The following CCT5 variants were observed in gnomAD, a reference collection of about 807,000 sequenced individuals.
CCT5 encodes chaperonin containing TCP1 subunit 5, also known as T-complex protein 1 subunit epsilon.
Under a neutral mutation model 55.0 loss-of-function variants are expected in CCT5, and 6 were observed. That is an observed-to-expected ratio of 0.11 (90% CI 0.06 to 0.22). The LOEUF (loss-of-function observed/expected upper bound fraction) is 0.22, where lower values mean the gene tolerates loss of function less well. Among genes scored for constraint, CCT5 ranks in the 10% least tolerant of loss-of-function variants. The probability of loss-of-function intolerance (pLI) is 1.00; values close to 1 mark genes in which losing one functional copy is unlikely to be tolerated. For missense variants in CCT5, 560 were observed against 694.6 expected (o/e 0.81, Z 2.18); for synonymous variants, 231 against 243.7 (o/e 0.95, Z 0.49).
chr5:10,255,112 G>A, intron 3 of CCT5: 1 of 445,860 alleles, frequency 2.2e-6, no homozygotes, highest in South Asian at 2.2e-5. Context: ...AGGATGTTTG[G>A]GAAACGTGGA....
At chr5:10,250,794 C>CCA in intron 1 of CCT5, 1 of 1,165,468 alleles carries the variant, frequency 8.6e-7, no homozygotes, top group Non-Finnish European at 1.1e-6. Context: ...TGGGAGGGCG[C>CCA]CGGGGAGATG....
Position 10,263,157 on chromosome 5 carries a change from C to T in CCT5, c.1341C>T (p.Ala447=), listed in dbSNP as rs764622095. The T allele has an allele frequency of 1.2e-6, 2 of 1,614,212 alleles. No homozygotes were observed. Among genetic ancestry groups the T allele is most frequent in the South Asian group, 1.1e-5 (1 of 91,074 alleles). Residue 447 remains alanine, a synonymous_variant, in exon 10 of 11, where the codon GCC becomes GCT. Coordinates refer to ENST00000280326, the MANE Select transcript of CCT5 (RefSeq NM_012073.5). ...AGTGCCCCACCTTAGAACAGTATGC[C>T]ATGAGAGCGTTTGCCGACGCACTGG... ...ADKCPTLEQY[A]MRAFADALEV...
At chr5:10,249,960 CG>C, upstream of CCT5, 1 of 1,471,506 alleles carries the variant, frequency 6.8e-7, no homozygotes, top group South Asian at 1.2e-5. Flanking sequence ...ACCATCTTCT[CG>C]GAGCCGGAGT....
rs2578639 is a variant in CCT5 at position 10,265,607 on chromosome 5, C to G, written c.*824C>G. The G allele has an allele frequency of 0.72, 109,100 of 151,976 alleles. 42,277 individuals carry two copies. Among genetic ancestry groups the G allele is most frequent in the East Asian group, 0.87 (4,486 of 5,174 alleles). The allele number at this position is 151,976 out of a possible 1,614,324, so 9.4% of individuals were successfully genotyped here. The stretch of plus-strand genomic sequence containing the variant: ...GATGGGCCAAGACGCTCCGAGAACT[C>G]TACCGGGATTGTCTGTTCTGACAAC... On this transcript the variant is annotated 3_prime_UTR_variant, in exon 11 of 11. Transcript: ENST00000280326.
At chr5:10,252,206 G>A (rs1745458443) in intron 1 of CCT5, among the ~76,000 whole-genome samples, 1 of 152,202 alleles carries the variant, frequency 6.6e-6, no homozygotes, top group Admixed American at 6.5e-5. Flanking sequence ...TCCTGTGAGT[G>A]TTGAGGCTCA....
chr5:10,260,953 C>T lies in CCT5; in HGVS notation c.993+42C>T, dbSNP rs12516390. 112,002 of 1,608,182 alleles carry T rather than the reference C, an allele frequency of 0.07. 4,664 individuals are homozygous for T. Among genetic ancestry groups the T allele is most frequent in the South Asian group, 0.14 (12,583 of 90,854 alleles). Reference sequence around the variant, plus strand: ...GAAGAGACTTTGAGAAGTAGGGGTTCATCTTATGTGTTGAGGGGTGTTTTG... The same window carrying T: ...GAAGAGACTTTGAGAAGTAGGGGTTTATCTTATGTGTTGAGGGGTGTTTTG... On this transcript the variant is annotated intron_variant, in intron 7 of 10. Coordinates refer to ENST00000280326, the MANE Select transcript of CCT5 (RefSeq NM_012073.5).
intron 2 of CCT5, 147 bp from the exon 3 acceptor site, chr5:10,254,527 C>G: frequency 1.4e-6 from 1 of 733,892 alleles, no homozygotes; most frequent in Non-Finnish European, 2.4e-6. Flanking sequence ...CTAAAAATGC[C>G]TTCATGCAGC....
chr5:10,260,648 C>CT (rs1470186279), intron 6 of CCT5, 144 bp from the exon 7 acceptor site: 3 of 828,374 alleles, frequency 3.6e-6, no homozygotes, highest in Non-Finnish European at 6.2e-6. Context: ...GGACACTTGT[C>CT]TATTTCCTTC....
intron 1 of CCT5, among the ~76,000 whole-genome samples, chr5:10,253,223 G>T (rs1054981431): frequency 1.4e-4 from 22 of 152,290 alleles, no homozygotes; most frequent in African/African-American, 5.1e-4. Context: ...CCAGCTACTG[G>T]GGGGCTGAGG....
chr5:10,257,069 TA>T (rs1331391406), intron 4 of CCT5, among the ~76,000 whole-genome samples: 2 of 152,244 alleles, frequency 1.3e-5, no homozygotes, highest in African/African-American at 2.4e-5. Flanking sequence ...TACATTATAT[TA>T]AATCAGTGAG....
At chr5:10,262,410 G>C in intron 8 of CCT5, 71 bp from the exon 9 acceptor site, 1 of 1,537,146 alleles carries the variant, frequency 6.5e-7, no homozygotes, top group South Asian at 1.1e-5. Context: ...TCTTTAAAAA[G>C]GTGCCAGATA....
chr5:10,250,929 G>A (rs946952026), intron 1 of CCT5: 42 of 952,650 alleles, frequency 4.4e-5, no homozygotes, highest in Admixed American at 2.9e-4. Context: ...ATTTCTGAGT[G>A]CTTTTTTGCC....
chr5:10,256,610 G>A (rs2028272), intron 4 of CCT5, among the ~76,000 whole-genome samples: 111,729 of 151,268 alleles, frequency 0.74, 43,459 homozygotes, highest in East Asian at 0.87. Context: ...AGAGGCTGAG[G>A]TGAGAGGTCG....
rs1461880421 is a variant in CCT5, at chr5:10,264,984, TC to T, written c.*202del. ...GGTACCATCTCAACTGCTTTTGTAT[TC>T]ATTGTATTAAAAGAATCTGTTTAAA... On this transcript the variant is annotated 3_prime_UTR_variant, in exon 11 of 11. Transcript: ENST00000280326. The T allele has an allele frequency of 6.7e-6, 4 of 593,242 alleles. No homozygotes were observed. Among genetic ancestry groups the T allele is most frequent in the Non-Finnish European group, 1.2e-5 (4 of 341,896 alleles). The allele number at this position is 593,242 out of a possible 1,614,324, so 36.7% of individuals were successfully genotyped here.
At position 10,258,118 on chromosome 5, in the gene CCT5, A is replaced by G; in HGVS notation, c.538A>G (p.Ser180Gly). The change falls in exon 5 of 11, where the codon AGT (serine) becomes GGT (glycine). Residue 180 changes from serine to glycine, a missense_variant. By Grantham distance (56) the Ser-to-Gly change is moderately conservative (BLOSUM62 0). Transcript: ENST00000280326. ...TTGTGGTGTTTTCCTCAGGGTCAAC[A>G]GTTGTCACCGACAGATGGCTGAGAT... ...KTTLGSKVVN[S>G]CHRQMAEIAV... is the part of the protein sequence containing the mutation. 7 of 1,614,234 alleles carry G rather than the reference A, an allele frequency of 4.3e-6. No homozygotes were observed. Among genetic ancestry groups the G allele is most frequent in the Non-Finnish European group, 8.5e-7 (1 of 1,180,036 alleles).
intron 3 of CCT5, among the ~76,000 whole-genome samples, 162 bp from the exon 4 acceptor site, chr5:10,255,793 C>T (rs1030829466): frequency 1.3e-5 from 2 of 152,180 alleles, no homozygotes; most frequent in Non-Finnish European, 2.9e-5. Flanking sequence ...AGAACTAAAA[C>T]GAGGCTTTCT....
At chr5:10,250,564 TCC>T (rs1745331800) in intron 1 of CCT5, 119 bp downstream of exon 1, 1 of 1,519,926 alleles carries the variant, frequency 6.6e-7, no homozygotes, top group East Asian at 2.5e-5. Flanking sequence ...GTCGAGAATC[TCC>T]GTCTCCCTGC....
At chr5:10,252,948 A>G (rs149688491) in intron 1 of CCT5, among the ~76,000 whole-genome samples, 134 of 151,836 alleles carry the variant, frequency 8.8e-4, no homozygotes, top group African/African-American at 2.7e-3. Context: ...TAATAATTCT[A>G]TTACTCAATT....
chr5:10,261,187 T>C, intron 7 of CCT5: 1 of 512,242 alleles, frequency 2.0e-6, no homozygotes, highest in South Asian at 2.0e-5. Flanking sequence ...CCTGGTCTCA[T>C]CCAAATACTA....
Sources: gnomAD v4.1 joint callset for allele counts (sites outside exome capture counted in the v4.1 genomes callset) on GRCh38, gnomAD v4.1.1 for gene constraint, MANE v1.5 for transcripts, NCBI Gene and HGNC (gene_info 2026-07-23, HGNC 2026-07-21) for gene names.